Variants in GALNS observed in about 807,000 individuals in gnomAD.
The protein encoded by GALNS is N-acetylgalactosamine-6-sulfatase.
In GALNS, 65 loss-of-function variants were observed where a neutral mutation model predicts 65.9. The observed-to-expected ratio is 0.99, with a 90% CI of 0.81 to 1.21. GALNS has a LOEUF of 1.21. GALNS is among the 50% of genes most tolerant of loss of function. GALNS has a pLI of 0.00. For synonymous variants in GALNS, 346 were observed against 288.9 expected, an observed-to-expected ratio of 1.20 and a Z score of -2.00; for missense variants, 776 against 700.7, an observed-to-expected ratio of 1.11 and a Z score of -1.21.
chr16:88,854,010 T>C (rs1967636419), intron 1 of GALNS, among the ~76,000 whole-genome samples: 1 of 152,172 alleles, frequency 6.6e-6, no homozygotes, highest in African/African-American at 2.4e-5. Flanking sequence ...GACAACCCTT[T>C]TCTGAAACTG....
intron 5 of GALNS, among the ~76,000 whole-genome samples, 153 bp from the exon 6 acceptor site, chr16:88,836,420 C>T (rs559524846): frequency 6.6e-6 from 1 of 152,084 alleles, no homozygotes; most frequent in Non-Finnish European, 1.5e-5. Flanking sequence ...TTTTGGGAGG[C>T]TGAGGAAGGT....
intron 2 of GALNS, 37 bp from the exon 3 acceptor site, chr16:88,842,008 A>C (rs1156780635): frequency 1.9e-6 from 3 of 1,584,110 alleles, no homozygotes; most frequent in Non-Finnish European, 2.6e-6. Flanking sequence ...CTGGATAAGA[A>C]GGGTGTGGCT....
In GALNS at chr16:88,841,949, T is replaced by G; in HGVS notation, c.267A>C (p.Gly89=). The G allele has an allele frequency of 6.2e-7, 1 of 1,613,344 alleles. No homozygotes were observed. The highest frequency in any genetic ancestry group is 8.5e-7 in the Non-Finnish European group (1 of 1,179,740). Residue 89 remains glycine, a synonymous_variant, in exon 3 of 14, where the codon GGA becomes GGC. Coordinates refer to ENST00000268695, the MANE Select transcript of GALNS (RefSeq NM_000512.5). The stretch of plus-strand genomic sequence containing the variant: ...AGAAGCCATTGCGGATGGGTAGCCG[T>G]CCTGTGAGCAGTGCCGCCCTCGCTA... ...CSPSRAALLT[G]RLPIRNGFYT... is the part of the protein sequence containing the mutation.
intron 6 of GALNS, 114 bp from the exon 7 acceptor site, chr16:88,835,963 A>T: frequency 6.7e-7 from 1 of 1,487,890 alleles, no homozygotes; most frequent in African/African-American, 1.5e-5. Flanking sequence ...CCCCGTCCCC[A>T]CGCGTCCCAC....
chr16:88,815,945 G>C lies in GALNS; in HGVS notation c.1483-1420C>G, dbSNP rs571990977. ...CACACTCCCTCTCCTCTGTGCCAGAGACGCCACTGAGCCCCTCTCCTGGGG... is the reference window on the plus strand; with the variant it reads ...CACACTCCCTCTCCTCTGTGCCAGACACGCCACTGAGCCCCTCTCCTGGGG... On this transcript the variant is annotated intron_variant, in intron 13 of 13. Coordinates refer to ENST00000268695, the MANE Select transcript of GALNS (RefSeq NM_000512.5). 1.0e-5 allele frequency: 10 copies of C among 985,450 alleles called. No individual in the cohort carries two copies. In the East Asian group the frequency reaches 1.0e-3, roughly 101 times the overall value. 61.0% of individuals were successfully genotyped at this position (985,450 alleles called of 1,614,324 possible).
chr16:88,841,684 C>G (rs113186673), intron 3 of GALNS, among the ~76,000 whole-genome samples: 6 of 152,292 alleles, frequency 3.9e-5, no homozygotes, highest in African/African-American at 1.4e-4. Context: ...TTAGGCCAGA[C>G]TGGGCACCCT....
chr16:88,843,068 C>A, intron 1 of GALNS: 1 of 1,515,164 alleles, frequency 6.6e-7, no homozygotes, highest in Non-Finnish European at 8.8e-7. Flanking sequence ...GGGGCCGCTC[C>A]ACGGTCAGCC....
At chr16:88,829,686 C>T (rs1911283769) in intron 9 of GALNS, among the ~76,000 whole-genome samples, 1 of 152,272 alleles carries the variant, frequency 6.6e-6, no homozygotes, top group Non-Finnish European at 1.5e-5. Flanking sequence ...CTGCTCCCAC[C>T]TCTGCTCCCT....
chr16:88,830,823 G>A (rs761952631), intron 9 of GALNS, among the ~76,000 whole-genome samples: 30 of 152,126 alleles, frequency 2.0e-4, no homozygotes, highest in Non-Finnish European at 3.7e-4. Context: ...GTCTCGTGTC[G>A]GGCTGCTGCT....
At chr16:88,831,283 G>C (rs543649428) in intron 9 of GALNS, among the ~76,000 whole-genome samples, 38 of 99,910 alleles carry the variant, frequency 3.8e-4, no homozygotes, top group South Asian at 1.4e-3. Context: ...GTGGGGAGGA[G>C]AGCGGTGAGG....
At chr16:88,854,221 C>T (rs974080216) in intron 1 of GALNS, among the ~76,000 whole-genome samples, 4 of 152,200 alleles carry the variant, frequency 2.6e-5, no homozygotes, top group Non-Finnish European at 5.9e-5. Context: ...TGCCAGAGGC[C>T]GAATGACCTG....
chr16:88,852,527 G>C (rs919146088), intron 1 of GALNS, among the ~76,000 whole-genome samples: 1 of 152,244 alleles, frequency 6.6e-6, no homozygotes, highest in Non-Finnish European at 1.5e-5. Context: ...GCTGGACAGA[G>C]AATGACTCTG....
At chr16:88,855,831 G>C in intron 1 of GALNS, 1 of 501,470 alleles carries the variant, frequency 2.0e-6, no homozygotes, top group Non-Finnish European at 3.6e-6. Flanking sequence ...CACCTGTCAG[G>C]GTCTCTGCTG....
At chr16:88,846,715 G>C (rs1259407625) in intron 1 of GALNS, among the ~76,000 whole-genome samples, 2 of 151,936 alleles carry the variant, frequency 1.3e-5, no homozygotes, top group African/African-American at 4.8e-5. Context: ...GCTAGTTTTT[G>C]TATTTTTAGT....
At position 88,840,550 on chromosome 16, in the gene GALNS, C is replaced by T. The variant is rs184980727; in HGVS notation, c.422+442G>A. 1.3e-5 allele frequency: 4 copies of T among 309,600 alleles called. No individual in the cohort carries two copies. The East Asian group carries it at 2.6e-4, about 20-fold the overall frequency. The allele number at this position is 309,600 out of a possible 1,614,324, so 19.2% of individuals were successfully genotyped here. A position where few individuals can be genotyped will look rare whatever the true frequency, so the allele number is the denominator to read the frequency against. ...TCATCAACTGCTAGGCTGTTACTCTCCTTCCTGGTGGCTTCTTTGTGGTTT... is the reference window on the plus strand; with the variant it reads ...TCATCAACTGCTAGGCTGTTACTCTTCTTCCTGGTGGCTTCTTTGTGGTTT... On this transcript the variant is annotated intron_variant, in intron 4 of 13. Coordinates refer to ENST00000268695, the MANE Select transcript of GALNS (RefSeq NM_000512.5).
At chr16:88,828,596 G>C (rs1171152721) in intron 9 of GALNS, among the ~76,000 whole-genome samples, 1 of 152,230 alleles carries the variant, frequency 6.6e-6, no homozygotes, top group Non-Finnish European at 1.5e-5. Context: ...ACGGGAAAAG[G>C]CAACTTGGTG....
intron 12 of GALNS, among the ~76,000 whole-genome samples, chr16:88,822,112 G>A (rs571522848): frequency 6.6e-6 from 1 of 152,316 alleles, no homozygotes; most frequent in African/African-American, 2.4e-5. Flanking sequence ...AGACTCCTGA[G>A]GGTAAGGGGA....
Position 88,841,942 on chromosome 16 carries a change from G to T in GALNS, c.274C>A (p.Pro92Thr). ...GTGGTGTAGAAGCCATTGCGGATGG[G>T]TAGCCGTCCTGTGAGCAGTGCCGCC... ...SRAALLTGRLPIRNGFYTTNA... is the reference protein window; with the variant it reads ...SRAALLTGRLTIRNGFYTTNA... Residue 92 changes from proline (P) to threonine (T), a missense_variant, in exon 3 of 14, where the codon CCC becomes ACC. By Grantham distance (38) the Pro-to-Thr change is conservative. Coordinates refer to ENST00000268695, the MANE Select transcript of GALNS (RefSeq NM_000512.5). 1 of 1,613,600 alleles carries T rather than the reference G, an allele frequency of 6.2e-7. No individual in the cohort carries two copies.
At chr16:88,821,725 C>T (rs1198552706) in intron 12 of GALNS, among the ~76,000 whole-genome samples, 2 of 152,188 alleles carry the variant, frequency 1.3e-5, no homozygotes, top group Admixed American at 6.5e-5. Flanking sequence ...ACCGGCCCTA[C>T]TCAAACCCAG....
Sources: gnomAD v4.1 joint callset for allele counts (sites outside exome capture counted in the v4.1 genomes callset) on GRCh38, gnomAD v4.1.1 for gene constraint, MANE v1.5 for transcripts, NCBI Gene and HGNC (gene_info 2026-07-23, HGNC 2026-07-21) for gene names.